Variants in THSD7B observed in about 807,000 individuals in gnomAD.
The protein encoded by THSD7B is thrombospondin type-1 domain-containing protein 7B.
In THSD7B, 138 loss-of-function variants were observed where a neutral mutation model predicts 213.6. The ratio of observed to expected loss-of-function variants is 0.65; its 90% CI spans 0.56 to 0.74. THSD7B has a LOEUF of 0.74. Among genes scored for constraint, THSD7B ranks in the 30% least tolerant of loss-of-function variants. The pLI is 0.00. For missense variants in THSD7B, 1,931 were observed against 1,991.5 expected, an observed-to-expected ratio of 0.97 and a Z score of 0.58; for synonymous variants, 742 against 687.0, an observed-to-expected ratio of 1.08 and a Z score of -1.25.
chr2:137,003,471 ACCAGAATCT>A (rs1422925141), intron 2 of THSD7B, among the ~76,000 whole-genome samples: 1 of 152,224 alleles, frequency 6.6e-6, no homozygotes, highest in African/African-American at 2.4e-5. Context: ...GAAGTCAGTG[ACCAGAATCT>A]CTCATTTGAA....
At chr2:137,300,604 C>T (rs990633154) in intron 12 of THSD7B, among the ~76,000 whole-genome samples, 1 of 152,054 alleles carries the variant, frequency 6.6e-6, no homozygotes, top group Non-Finnish European at 1.5e-5. Context: ...ATAAGTTGTC[C>T]CCAACATTTA....
chr2:137,116,508 C>T (rs1482015256), intron 5 of THSD7B, among the ~76,000 whole-genome samples: 1 of 152,166 alleles, frequency 6.6e-6, no homozygotes, highest in Admixed American at 6.5e-5. Flanking sequence ...CTACTGTCTA[C>T]TGTTGGAGGG....
Position 137,574,819 on chromosome 2 carries a change from G to C in THSD7B, c.3423+2263G>C, listed in dbSNP as rs185927160. Among the ~76,000 whole-genome samples, 443 of 152,238 alleles carry C rather than the reference G, an allele frequency of 2.9e-3. 4 individuals are homozygous for C. The highest frequency in any genetic ancestry group is 1.0e-2 in the African/African-American group (414 of 41,576). ...AGTCAGTATTGGACAATGATAATGA[G>C]AATGATTATAGCAAAGGCAGCAAAC... On this transcript the variant is annotated intron_variant, in intron 17 of 27. Transcript: ENST00000409968.
At chr2:137,558,660 G>C (rs1186613749) in intron 15 of THSD7B, among the ~76,000 whole-genome samples, 7 of 152,278 alleles carry the variant, frequency 4.6e-5, no homozygotes, top group Non-Finnish European at 8.8e-5. Context: ...GCACAAGACA[G>C]GGATGTCCTC....
At chr2:137,496,926 C>T (rs1200833631) in intron 15 of THSD7B, among the ~76,000 whole-genome samples, 2 of 152,076 alleles carry the variant, frequency 1.3e-5, no homozygotes, top group African/African-American at 4.8e-5. Flanking sequence ...TCATCTAGTT[C>T]GTGTAGTCTG....
chr2:137,409,543 T>C (rs1279704392), intron 13 of THSD7B, among the ~76,000 whole-genome samples: 1 of 152,174 alleles, frequency 6.6e-6, no homozygotes, highest in Non-Finnish European at 1.5e-5. Flanking sequence ...ATTGGAAGCT[T>C]GAGCAAGAAA....
At chr2:137,262,558 C>T (rs1682477288) in intron 10 of THSD7B, among the ~76,000 whole-genome samples, 1 of 152,144 alleles carries the variant, frequency 6.6e-6, no homozygotes, top group Non-Finnish European at 1.5e-5. Flanking sequence ...ATTAACCTTC[C>T]TTGTTTATAC....
At chr2:137,404,474 T>TATAC (rs1306580538) in intron 12 of THSD7B, among the ~76,000 whole-genome samples, 30 of 40,250 alleles carry the variant, frequency 7.5e-4, no homozygotes, top group African/African-American at 1.5e-3. Flanking sequence ...TATATATATA[T>TATAC]ACACACACAC....
intron 4 of THSD7B, among the ~76,000 whole-genome samples, chr2:137,110,804 G>A (rs1688333904): frequency 6.6e-6 from 1 of 152,156 alleles, no homozygotes; most frequent in African/African-American, 2.4e-5. Context: ...CTGCATATAC[G>A]ATGGTCCCAT....
intron 27 of THSD7B, among the ~76,000 whole-genome samples, chr2:137,673,901 A>C (rs1421525110): frequency 6.6e-6 from 1 of 152,184 alleles, no homozygotes; most frequent in African/African-American, 2.4e-5. Context: ...AAGATGCTTG[A>C]TAAATGAGGT....
At chr2:136,777,302 T>G (rs1179982668) in intron 1 of THSD7B, among the ~76,000 whole-genome samples, 1 of 152,172 alleles carries the variant, frequency 6.6e-6, no homozygotes, top group African/African-American at 2.4e-5. Context: ...ACTTTCCCAT[T>G]TAATACAAAG....
intron 15 of THSD7B, among the ~76,000 whole-genome samples, chr2:137,545,356 G>GA (rs1170634507): frequency 1.3e-5 from 2 of 151,938 alleles, no homozygotes; most frequent in South Asian, 2.1e-4. Flanking sequence ...TGAGCTGCCA[G>GA]AAAATCAATG....
intron 12 of THSD7B, among the ~76,000 whole-genome samples, chr2:137,404,454 T>G (rs1686450778): frequency 9.4e-6 from 1 of 106,566 alleles, no homozygotes; most frequent in African/African-American, 4.0e-5. Flanking sequence ...TATATATATA[T>G]ATATATATAT....
chr2:137,066,237 T>G (rs13012787), intron 3 of THSD7B, among the ~76,000 whole-genome samples: 37,424 of 145,202 alleles, frequency 0.26, 6,463 homozygotes, highest in African/African-American at 0.49. Flanking sequence ...TGTCTCCCAG[T>G]CTGGAGTGCG....
At chr2:137,430,375 G>T (rs1687149870) in intron 14 of THSD7B, among the ~76,000 whole-genome samples, 1 of 152,182 alleles carries the variant, frequency 6.6e-6, no homozygotes. Context: ...GTTAAATTTT[G>T]ATATGGACTG....
chr2:136,987,546 A>G (rs1367128), intron 2 of THSD7B, among the ~76,000 whole-genome samples: 34,510 of 152,110 alleles, frequency 0.23, 4,553 homozygotes, highest in East Asian at 0.57. Flanking sequence ...AGTGGAAAAC[A>G]TGGAGTTAGG....
intron 7 of THSD7B, among the ~76,000 whole-genome samples, chr2:137,174,070 A>G (rs1166690650): frequency 6.6e-6 from 1 of 152,118 alleles, no homozygotes; most frequent in Non-Finnish European, 1.5e-5. Flanking sequence ...GAAATACTTT[A>G]TTTTTGATTT....
In THSD7B at chr2:137,645,159, G is replaced by A. The variant is rs556920014; in HGVS notation, c.3945+2526G>A. On this transcript the variant is annotated intron_variant, in intron 21 of 27. Transcript: ENST00000409968. Reference sequence around the variant, plus strand: ...TGGGGATAGCAGTAGTACCTATTTCGCTGGTTATGTGGGCAGGAAGTAGAT... The same window carrying A: ...TGGGGATAGCAGTAGTACCTATTTCACTGGTTATGTGGGCAGGAAGTAGAT... Among the ~76,000 whole-genome samples the A allele has an allele frequency of 3.3e-5, 5 of 152,182 alleles. 1 individual carries two copies. The highest frequency in any genetic ancestry group is 4.2e-4 in the South Asian group (2 of 4,816).
At chr2:137,116,649 T>C (rs1389566117) in intron 5 of THSD7B, among the ~76,000 whole-genome samples, 1 of 152,212 alleles carries the variant, frequency 6.6e-6, no homozygotes, top group African/African-American at 2.4e-5. Context: ...TAAAAATAGC[T>C]TTTCTTATGG....
Sources: gnomAD v4.1 joint callset for allele counts (sites outside exome capture counted in the v4.1 genomes callset) on GRCh38, gnomAD v4.1.1 for gene constraint, MANE v1.5 for transcripts, NCBI Gene and HGNC (gene_info 2026-07-23, HGNC 2026-07-21) for gene names.